Variants in CNTNAP2 observed in about 807,000 individuals in gnomAD.
CNTNAP2 encodes contactin-associated protein-like 2.
CNTNAP2 carries 98 observed loss-of-function variants against 155.2 expected under a neutral mutation model. The observed-to-expected ratio is 0.63, with a 90% CI of 0.54 to 0.75. CNTNAP2 has a LOEUF of 0.75. CNTNAP2 is among the 30% of genes least tolerant of loss of function. The probability of loss-of-function intolerance (pLI) is 0.00; values close to 1 mark genes in which losing one functional copy is unlikely to be tolerated. For synonymous variants in CNTNAP2, 651 were observed against 631.2 expected (o/e 1.03, Z -0.47); for missense variants, 1,727 against 1,688.1 (o/e 1.02, Z -0.40).
chr7:147,741,572 T>C (rs1029188886), intron 13 of CNTNAP2, among the ~76,000 whole-genome samples: 1 of 152,216 alleles, frequency 6.6e-6, no homozygotes, highest in African/African-American at 2.4e-5. Flanking sequence ...AACCTTTGAC[T>C]CATGGTTTAT....
At chr7:148,212,615 C>T (rs1393320444) in intron 18 of CNTNAP2, among the ~76,000 whole-genome samples, 1 of 152,078 alleles carries the variant, frequency 6.6e-6, no homozygotes, top group Non-Finnish European at 1.5e-5. Flanking sequence ...TAAATCAATA[C>T]TTTTTGATAA....
intron 6 of CNTNAP2, among the ~76,000 whole-genome samples, chr7:147,125,944 T>C (rs1801224541): frequency 6.6e-6 from 1 of 152,220 alleles, no homozygotes; most frequent in Non-Finnish European, 1.5e-5. Flanking sequence ...TCCTTTTTAA[T>C]CTTGCTCTTC....
intron 17 of CNTNAP2, among the ~76,000 whole-genome samples, chr7:148,165,217 G>T (rs572014815): frequency 1.3e-5 from 2 of 152,114 alleles, no homozygotes; most frequent in African/African-American, 4.8e-5. Context: ...TCTTCTTGCC[G>T]TGTCTTCACT....
At chr7:147,928,272 C>T (rs965945854) in intron 14 of CNTNAP2, among the ~76,000 whole-genome samples, 5 of 152,086 alleles carry the variant, frequency 3.3e-5, no homozygotes, top group African/African-American at 1.2e-4. Flanking sequence ...TCCTAATATA[C>T]TTGGGAAAAT....
intron 15 of CNTNAP2, among the ~76,000 whole-genome samples, chr7:148,116,821 A>G (rs1804484415): frequency 6.6e-6 from 1 of 152,238 alleles, no homozygotes; most frequent in Admixed American, 6.5e-5. Context: ...GTGTATGAAT[A>G]GAAACTAATG....
intron 16 of CNTNAP2, among the ~76,000 whole-genome samples, chr7:148,136,866 C>T (rs57969065): frequency 0.021 from 3,220 of 152,194 alleles, 120 homozygotes; most frequent in African/African-American, 0.073. Context: ...ATTTTATATG[C>T]GCAGTCTTTA....
intron 16 of CNTNAP2, among the ~76,000 whole-genome samples, chr7:148,130,544 C>A (rs1804809139): frequency 6.6e-6 from 1 of 152,160 alleles, no homozygotes; most frequent in Non-Finnish European, 1.5e-5. Context: ...TCCTTACAGA[C>A]CACCATGATT....
chr7:147,532,915 T>G lies in CNTNAP2; in HGVS notation c.1778-29223T>G, dbSNP rs544203630. Among the ~76,000 whole-genome samples, 5 of 152,282 alleles carry G rather than the reference T, an allele frequency of 3.3e-5. No homozygotes were observed. In the South Asian group the frequency reaches 1.0e-3, roughly 32 times the overall value. ...ATGTGGGAATTCTGGGAGATACAAC[T>G]CAAGTTGAGATTTGGGCAGGGACAC... On this transcript the variant is annotated intron_variant, in intron 11 of 23. Coordinates refer to ENST00000361727, the MANE Select transcript of CNTNAP2 (RefSeq NM_014141.6).
rs115372319 is a variant in CNTNAP2, at chr7:146,326,621, A to C, written c.97+209648A>C. Reference sequence around the variant, plus strand: ...TATGTTGATGACACACCACAGCCGCAGGAAGCTATTAAAGTGCATAGACAG... The same window carrying C: ...TATGTTGATGACACACCACAGCCGCCGGAAGCTATTAAAGTGCATAGACAG... On this transcript the variant is annotated intron_variant, in intron 1 of 23. Coordinates refer to ENST00000361727, the MANE Select transcript of CNTNAP2 (RefSeq NM_014141.6). Among the ~76,000 whole-genome samples, 1,317 of 152,316 alleles carry C rather than the reference A, an allele frequency of 8.6e-3. 16 individuals are homozygous for C. The highest frequency in any genetic ancestry group is 0.03 in the African/African-American group (1,250 of 41,570).
intron 1 of CNTNAP2, among the ~76,000 whole-genome samples, chr7:146,366,553 T>G (rs1449640655): frequency 6.6e-6 from 1 of 152,130 alleles, no homozygotes; most frequent in Non-Finnish European, 1.5e-5. Flanking sequence ...AAAAGTATTT[T>G]TGAAATCAGA....
At chr7:146,505,619 G>A (rs978086128) in intron 1 of CNTNAP2, among the ~76,000 whole-genome samples, 2 of 152,234 alleles carry the variant, frequency 1.3e-5, no homozygotes, top group African/African-American at 4.8e-5. Context: ...TGAGTGACAT[G>A]TAAATCATAC....
Position 148,286,939 on chromosome 7 carries a change from A to G in CNTNAP2, c.3475+19813A>G, listed in dbSNP as rs147796570. On this transcript the variant is annotated intron_variant, in intron 21 of 23. Transcript: ENST00000361727. The stretch of plus-strand genomic sequence containing the variant: ...TTTTGGTGTTACATACTTGCCACAC[A>G]TAGTACCCTAATAATCTCTTGGGCC... Among the ~76,000 whole-genome samples, 1,141 of 152,326 alleles carry G rather than the reference A, an allele frequency of 7.5e-3. 15 individuals carry two copies. The highest frequency in any genetic ancestry group is 0.026 in the African/African-American group (1,086 of 41,566).
intron 3 of CNTNAP2, among the ~76,000 whole-genome samples, chr7:147,028,806 C>A (rs529965812): frequency 6.6e-6 from 1 of 152,022 alleles, no homozygotes. Context: ...GTTGAACTTA[C>A]ATTTGAAGAC....
chr7:147,677,231 T>C (rs1470625769), intron 13 of CNTNAP2, among the ~76,000 whole-genome samples: 2 of 151,924 alleles, frequency 1.3e-5, no homozygotes, highest in Admixed American at 6.6e-5. Context: ...CACATTGTAG[T>C]TTTAATTTGT....
intron 5 of CNTNAP2, among the ~76,000 whole-genome samples, chr7:147,110,136 G>C (rs1800846714): frequency 6.6e-6 from 1 of 152,016 alleles, no homozygotes; most frequent in South Asian, 2.1e-4. Context: ...TGTTGGCCAG[G>C]TTGTTTTCAA....
chr7:147,999,754 C>T (rs765587847), intron 15 of CNTNAP2, among the ~76,000 whole-genome samples: 7 of 152,100 alleles, frequency 4.6e-5, no homozygotes, highest in Non-Finnish European at 1.0e-4. Flanking sequence ...CTCTCACACA[C>T]GGGGAGAACA....
At chr7:146,971,000 GA>G (rs1327997160) in intron 3 of CNTNAP2, among the ~76,000 whole-genome samples, 1 of 152,024 alleles carries the variant, frequency 6.6e-6, no homozygotes, top group Non-Finnish European at 1.5e-5. Flanking sequence ...TCATAGGCAG[GA>G]ATTGAACAAT....
intron 13 of CNTNAP2, among the ~76,000 whole-genome samples, chr7:147,667,051 G>T (rs944648181): frequency 6.6e-6 from 1 of 152,144 alleles, no homozygotes; most frequent in Non-Finnish European, 1.5e-5. Flanking sequence ...CAAGCAAGAA[G>T]TTTGTTCGCA....
chr7:147,141,028 C>A (rs556192906), intron 8 of CNTNAP2, among the ~76,000 whole-genome samples: 1 of 152,248 alleles, frequency 6.6e-6, no homozygotes, highest in African/African-American at 2.4e-5. Context: ...TTACACTATA[C>A]CTGTCACTGT....
Sources: allele counts gnomAD v4.1 joint callset (sites outside exome capture counted in the v4.1 genomes callset), GRCh38; gene constraint gnomAD v4.1.1; transcripts MANE v1.5; gene names NCBI Gene and HGNC (gene_info 2026-07-23, HGNC 2026-07-21).